The following DAGLB variants were observed in gnomAD, a reference collection of about 807,000 sequenced individuals.
The protein encoded by DAGLB is diacylglycerol lipase beta.
DAGLB carries 66 observed loss-of-function variants against 72.1 expected under a neutral mutation model. The observed-to-expected ratio is 0.92, with a 90% confidence interval of 0.75 to 1.12. The LOEUF (loss-of-function observed/expected upper bound fraction) is 1.12, where lower values mean the gene tolerates loss of function less well. Among genes scored for constraint, DAGLB ranks in the 50% most tolerant of loss-of-function variants. DAGLB has a pLI of 0.00. For synonymous variants in DAGLB, 414 were observed against 359.5 expected (o/e 1.15, Z -1.71); for missense variants, 1,065 against 884.9 (o/e 1.20, Z -2.58).
rs777445236 is a variant in DAGLB at position 6,430,619 on chromosome 7, G to C, written c.802-12C>G. The stretch of plus-strand genomic sequence containing the variant: ...TCCAGATCAGCTTCCTACAAGAGAA[G>C]GACAAAAACTACTGTTTATTAAGGG... On this transcript the variant is annotated splice_polypyrimidine_tract_variant and intron_variant, in intron 5 of 14. Transcript: ENST00000297056. 2 of 1,574,196 alleles carry C rather than the reference G, an allele frequency of 1.3e-6. No homozygotes were observed. Among genetic ancestry groups the C allele is most frequent in the Admixed American group, 1.8e-5 (1 of 55,704 alleles).
intron 3 of DAGLB, chr7:6,435,338 T>C: frequency 3.9e-6 from 1 of 255,614 alleles, no homozygotes; most frequent in South Asian, 4.6e-5. Flanking sequence ...ACACAAAAAT[T>C]AGCTGGGTGT....
At chr7:6,418,260 T>C (rs1225670115) in intron 9 of DAGLB, among the ~76,000 whole-genome samples, 1 of 151,968 alleles carries the variant, frequency 6.6e-6, no homozygotes, top group Admixed American at 6.6e-5. Context: ...TTCCAACACT[T>C]TGGGAGGCTG....
chr7:6,437,071 T>C (rs1035062653), intron 2 of DAGLB, among the ~76,000 whole-genome samples: 4 of 151,310 alleles, frequency 2.6e-5, no homozygotes, highest in Admixed American at 2.0e-4. Flanking sequence ...GGAGAATCGC[T>C]TGAACCCAGG....
chr7:6,413,116 T>G (rs1285488860), intron 11 of DAGLB, 82 bp from the exon 12 acceptor site: 4 of 1,460,096 alleles, frequency 2.7e-6, no homozygotes, highest in African/African-American at 1.4e-5. Context: ...TCAGTAACAC[T>G]GAGGGGTTAG....
chr7:6,410,155 G>T lies in DAGLB; in HGVS notation c.1795C>A (p.Leu599Met). 8 of 1,578,522 alleles carry T rather than the reference G, an allele frequency of 5.1e-6. No homozygotes were observed. The highest frequency in any genetic ancestry group is 6.9e-6 in the Non-Finnish European group (8 of 1,159,132). ...PLYPPGRIIH[L>M]QEEGASGRFG... The stretch of plus-strand genomic sequence containing the variant: ...CGCCCCGAGGCGCCCTCCTCCTGCA[G>T]GTGGATGATCCTGCCGGGAGGGTAG... Residue 599 changes from leucine to methionine, a missense_variant, in exon 14 of 15, where the codon CTG becomes ATG. By Grantham distance (15) the Leu-to-Met change is conservative. Transcript: ENST00000297056.
chr7:6,441,151 C>T (rs996282798), intron 2 of DAGLB, among the ~76,000 whole-genome samples: 2 of 149,086 alleles, frequency 1.3e-5, no homozygotes, highest in East Asian at 2.0e-4. Flanking sequence ...AGTGCAGTGG[C>T]GCGATCTCGG....
At chr7:6,433,184 G>A (rs1207481517) in intron 4 of DAGLB, among the ~76,000 whole-genome samples, 1 of 152,164 alleles carries the variant, frequency 6.6e-6, no homozygotes, top group East Asian at 1.9e-4. Flanking sequence ...ATATAAAAAT[G>A]CTATTCGTCT....
chr7:6,421,268 C>T (rs1784108544), intron 9 of DAGLB, among the ~76,000 whole-genome samples: 1 of 151,908 alleles, frequency 6.6e-6, no homozygotes, highest in African/African-American at 2.4e-5. Context: ...TCTCTTAGAA[C>T]AAACGAAATC....
At chr7:6,416,490 C>T (rs1421116659) in intron 11 of DAGLB, 137 bp downstream of exon 11, 9 of 1,311,242 alleles carry the variant, frequency 6.9e-6, no homozygotes, top group African/African-American at 1.5e-5. Context: ...TTGCAGTGAG[C>T]CGAGATCACG....
intron 6 of DAGLB, among the ~76,000 whole-genome samples, chr7:6,430,250 C>CAT (rs57374634): frequency 0.081 from 3,681 of 45,560 alleles, 183 homozygotes; most frequent in Middle Eastern, 0.11. Context: ...AATACATGTG[C>CAT]ATATATATAT....
chr7:6,426,454 CAGAT>C (rs1229368128), intron 6 of DAGLB, among the ~76,000 whole-genome samples: 11 of 152,260 alleles, frequency 7.2e-5, no homozygotes, highest in African/African-American at 2.6e-4. Context: ...ATTTTCAGTA[CAGAT>C]AGAGTTTCGC....
intron 2 of DAGLB, among the ~76,000 whole-genome samples, chr7:6,442,828 G>A (rs1196431103): frequency 1.3e-5 from 2 of 152,078 alleles, no homozygotes; most frequent in Non-Finnish European, 2.9e-5. Flanking sequence ...TGAGGTGGGT[G>A]GATCAGCTAA....
rs187331107 is a variant in DAGLB at position 6,426,958 on chromosome 7, C to G, written c.930-844G>C. ...CCCCACCTCTACTAAAAATACAAAA[C>G]TCAGCCAGGTGTGGTGGCAGGCGCC... On this transcript the variant is annotated intron_variant, in intron 6 of 14. Coordinates refer to ENST00000297056, the MANE Select transcript of DAGLB (RefSeq NM_139179.4). Among the ~76,000 whole-genome samples the G allele has an allele frequency of 5.3e-5, 8 of 152,078 alleles. No individual in the cohort carries two copies. In the South Asian group the frequency reaches 8.3e-4, roughly 16 times the overall value.
At chr7:6,410,515 G>C (rs1316754488) in intron 13 of DAGLB, 135 bp from the exon 14 acceptor site, 1 of 1,339,518 alleles carries the variant, frequency 7.5e-7, no homozygotes, top group African/African-American at 1.5e-5. Flanking sequence ...CTCCAGCAAA[G>C]ATGCACCGGC....
At chr7:6,440,299 A>G (rs957182743) in intron 2 of DAGLB, among the ~76,000 whole-genome samples, 3 of 151,286 alleles carry the variant, frequency 2.0e-5, no homozygotes. Context: ...CAGGAGAATC[A>G]CTTGAACCCA....
chr7:6,436,396 C>G lies in DAGLB; in HGVS notation c.385G>C (p.Val129Leu). ...ACGGTTGCGATGATGCCGTTTACAACTGTCCTGTCGCACTGAACACCATCT... is the reference window on the plus strand; with the variant it reads ...ACGGTTGCGATGATGCCGTTTACAAGTGTCCTGTCGCACTGAACACCATCT... ...VADGVQCDRT[V>L]VNGIIATVVV... The change falls in exon 3 of 15, where the codon GTT (valine) becomes CTT (leucine). Residue 129 changes from valine to leucine, a missense_variant. Physicochemically the swap from Val to Leu is conservative, Grantham distance 32. Transcript: ENST00000297056. 6.2e-7 allele frequency: 1 copy of G among 1,613,390 alleles called. No homozygotes were observed.
chr7:6,410,968 T>C (rs962830668), intron 13 of DAGLB, among the ~76,000 whole-genome samples: 5 of 144,522 alleles, frequency 3.5e-5, no homozygotes, highest in African/African-American at 1.3e-4. Context: ...CTCTGCAAGC[T>C]CCGCCTCCCG....
chr7:6,417,120 G>A, intron 9 of DAGLB, 199 bp from the exon 10 acceptor site: 1 of 599,246 alleles, frequency 1.7e-6, no homozygotes, highest in Non-Finnish European at 2.9e-6. Flanking sequence ...CAGGTGCCAG[G>A]TGTGGTGGCG....
At chr7:6,435,084 G>C in intron 3 of DAGLB, 64 bp from the exon 4 acceptor site, 2 of 1,582,582 alleles carry the variant, frequency 1.3e-6, no homozygotes, top group Non-Finnish European at 1.7e-6. Context: ...CAGATGTCCG[G>C]GGTCCCTCCT....
Sources: gnomAD v4.1 joint callset for allele counts (sites outside exome capture counted in the v4.1 genomes callset) on GRCh38, gnomAD v4.1.1 for gene constraint, MANE v1.5 for transcripts, NCBI Gene and HGNC (gene_info 2026-07-23, HGNC 2026-07-21) for gene names.